Variants in LRRTM3 observed in about 807,000 individuals in gnomAD.
LRRTM3 encodes the protein leucine-rich repeat transmembrane neuronal protein 3.
A neutral mutation model predicts 44.7 loss-of-function variants in LRRTM3; 24 were observed. That is an observed-to-expected ratio of 0.54 (90% CI 0.39 to 0.76). The LOEUF is 0.76. Among genes scored for constraint, LRRTM3 ranks in the 30% least tolerant of loss-of-function variants. The pLI is 0.00. For missense variants in LRRTM3, 587 were observed against 702.2 expected (o/e 0.84, Z 1.85); for synonymous variants, 277 against 278.7 (o/e 0.99, Z 0.06).
intron 2 of LRRTM3, among the ~76,000 whole-genome samples, chr10:67,035,232 T>C (rs1293411290): frequency 6.6e-6 from 1 of 152,206 alleles, no homozygotes; most frequent in Non-Finnish European, 1.5e-5. Context: ...TATCTATATA[T>C]ATAGTCAAAT....
At chr10:66,955,280 C>T (rs1032281348) in intron 2 of LRRTM3, among the ~76,000 whole-genome samples, 50 of 152,084 alleles carry the variant, frequency 3.3e-4, no homozygotes, top group African/African-American at 1.1e-3. Context: ...AAAAAGATAA[C>T]GATTATTTTG....
intron 2 of LRRTM3, among the ~76,000 whole-genome samples, chr10:66,934,745 G>A (rs1847594666): frequency 6.6e-6 from 1 of 152,098 alleles, no homozygotes; most frequent in African/African-American, 2.4e-5. Flanking sequence ...GTCTTCTCAA[G>A]GGTAAAATAT....
At chr10:66,944,374 C>T (rs1455504173) in intron 2 of LRRTM3, among the ~76,000 whole-genome samples, 3 of 152,176 alleles carry the variant, frequency 2.0e-5, no homozygotes, top group African/African-American at 7.2e-5. Flanking sequence ...ATTCCATCTT[C>T]ACACTCCATC....
At chr10:66,986,953 C>A (rs1358684827) in intron 2 of LRRTM3, among the ~76,000 whole-genome samples, 1 of 152,126 alleles carries the variant, frequency 6.6e-6, no homozygotes, top group Non-Finnish European at 1.5e-5. Context: ...GAGTCAAGGT[C>A]ACATCGTCAG....
At chr10:67,038,725 T>C (rs893598352) in intron 2 of LRRTM3, among the ~76,000 whole-genome samples, 2 of 152,096 alleles carry the variant, frequency 1.3e-5, no homozygotes, top group African/African-American at 4.8e-5. Flanking sequence ...CAGTCCAAAA[T>C]CATTAGTCAG....
In LRRTM3 at chr10:67,007,582, G is replaced by C. The variant is rs76651844; in HGVS notation, c.1536+79130G>C. Reference sequence around the variant, plus strand: ...AATCTTAAAATGATATCCAGTAAAAGGGAAAACCTGAAAACATAAGGTAAA... The same window carrying C: ...AATCTTAAAATGATATCCAGTAAAACGGAAAACCTGAAAACATAAGGTAAA... On this transcript the variant is annotated intron_variant, in intron 2 of 2. Coordinates refer to ENST00000361320, the MANE Select transcript of LRRTM3 (RefSeq NM_178011.5). 7.7e-3 allele frequency among the ~76,000 whole-genome samples: 1,171 copies of C among 151,926 alleles called. 40 individuals are homozygous for C. The East Asian group carries it at 0.11, about 14-fold the overall frequency.
In LRRTM3 at chr10:67,026,838, A is replaced by AAACC. The variant is rs767165270; in HGVS notation, c.1537-70748_1537-70745dup. 4.6e-5 allele frequency among the ~76,000 whole-genome samples: 7 copies of AAACC among 152,322 alleles called. No homozygotes were observed. In the East Asian group the frequency reaches 5.8e-4, roughly 13 times the overall value. On this transcript the variant is annotated intron_variant, in intron 2 of 2. Coordinates refer to ENST00000361320, the MANE Select transcript of LRRTM3 (RefSeq NM_178011.5). ...TCATGTGTTAATTAAAAGAGTTCAG[A>AAACC]AACCTAAAATCTACAAAGCTTATTT...
chr10:67,004,554 T>A (rs1228682954), intron 2 of LRRTM3, among the ~76,000 whole-genome samples: 1 of 152,316 alleles, frequency 6.6e-6, no homozygotes, highest in South Asian at 2.1e-4. Flanking sequence ...TGGCTTTTTT[T>A]TTCAGTGGAA....
At chr10:67,024,487 A>G (rs1272733690) in intron 2 of LRRTM3, among the ~76,000 whole-genome samples, 1 of 152,212 alleles carries the variant, frequency 6.6e-6, no homozygotes, top group Non-Finnish European at 1.5e-5. Context: ...GGTGATTAGG[A>G]AGTAAACATC....
rs186323864 is a variant in LRRTM3, at chr10:67,043,289, T to C, written c.1537-54298T>C. Reference sequence around the variant, plus strand: ...AAAATGGCCTGAGGGTTCTACATCATTCATATATTCTCTGATCACTAGAGA... The same window carrying C: ...AAAATGGCCTGAGGGTTCTACATCACTCATATATTCTCTGATCACTAGAGA... On this transcript the variant is annotated intron_variant, in intron 2 of 2. Transcript: ENST00000361320. Among the ~76,000 whole-genome samples the C allele has an allele frequency of 7.2e-4, 110 of 152,220 alleles. 1 individual carries two copies. The highest frequency in any genetic ancestry group is 2.6e-3 in the African/African-American group (106 of 41,540).
intron 2 of LRRTM3, among the ~76,000 whole-genome samples, chr10:67,086,691 G>C (rs567132425): frequency 1.3e-4 from 20 of 152,044 alleles, no homozygotes; most frequent in South Asian, 8.3e-4. Context: ...AAATGCCAAT[G>C]TTCAGGGAAA....
chr10:66,933,966 G>A (rs896259996), intron 2 of LRRTM3, among the ~76,000 whole-genome samples: 3 of 152,026 alleles, frequency 2.0e-5, no homozygotes, highest in African/African-American at 2.4e-5. Flanking sequence ...TTTTCAGGTG[G>A]GGAAGCAGTT....
chr10:67,033,176 A>T (rs1287123295), intron 2 of LRRTM3, among the ~76,000 whole-genome samples: 1 of 152,194 alleles, frequency 6.6e-6, no homozygotes, highest in Non-Finnish European at 1.5e-5. Context: ...CAAATATATG[A>T]TCTTCAAGTC....
intron 2 of LRRTM3, among the ~76,000 whole-genome samples, chr10:67,015,705 A>AT (rs57989240): frequency 0.01 from 1,579 of 152,036 alleles, 27 homozygotes; most frequent in African/African-American, 0.035. Context: ...CTTTGTAACA[A>AT]TTTTCTTCTT....
chr10:67,057,866 TTCATAC>T (rs375737991), intron 2 of LRRTM3, among the ~76,000 whole-genome samples: 12 of 152,178 alleles, frequency 7.9e-5, no homozygotes, highest in African/African-American at 2.9e-4. Flanking sequence ...AATATGAGAG[TTCATAC>T]TCTACCCCAC....
intron 2 of LRRTM3, among the ~76,000 whole-genome samples, chr10:66,964,163 T>C (rs940880126): frequency 1.3e-5 from 2 of 152,244 alleles, no homozygotes; most frequent in South Asian, 4.2e-4. Context: ...CATCAATTTC[T>C]GTCCACAGTA....
intron 2 of LRRTM3, among the ~76,000 whole-genome samples, chr10:67,080,178 T>C (rs1466556670): frequency 2.8e-4 from 43 of 152,138 alleles, no homozygotes; most frequent in Admixed American, 2.8e-3. Context: ...AGAAAATTAT[T>C]CCTTTTACGT....
intron 2 of LRRTM3, among the ~76,000 whole-genome samples, chr10:67,011,123 G>A (rs1852303436): frequency 6.6e-6 from 1 of 151,936 alleles, no homozygotes. Flanking sequence ...AAGTCAAGGG[G>A]TCAAGACCAT....
chr10:67,052,221 G>A (rs774903022), intron 2 of LRRTM3, among the ~76,000 whole-genome samples: 12 of 151,778 alleles, frequency 7.9e-5, no homozygotes, highest in African/African-American at 1.7e-4. Context: ...TTTTAACTCC[G>A]AGAAAATTCT....
Sources: allele counts gnomAD v4.1 joint callset (sites outside exome capture counted in the v4.1 genomes callset), GRCh38; gene constraint gnomAD v4.1.1; transcripts MANE v1.5; gene names NCBI Gene and HGNC (gene_info 2026-07-23, HGNC 2026-07-21).